FGF14: variants seen among roughly 807,000 people sequenced by gnomAD.
FGF14 encodes the protein fibroblast growth factor 14.
In FGF14, 5 loss-of-function variants were observed where a neutral mutation model predicts 25.5. That is an observed-to-expected ratio of 0.20 (90% CI 0.10 to 0.41). The LOEUF (loss-of-function observed/expected upper bound fraction) is 0.41. Among genes scored for constraint, FGF14 ranks in the 10% least tolerant of loss-of-function variants. FGF14 has a pLI of 1.00. For missense variants in FGF14, 222 were observed against 320.1 expected (o/e 0.69, Z 2.34); for synonymous variants, 138 against 118.3 (o/e 1.17, Z -1.08).
At chr13:102,000,354 C>T (rs1792969607) in intron 1 of FGF14, among the ~76,000 whole-genome samples, 1 of 152,126 alleles carries the variant, frequency 6.6e-6, no homozygotes, top group Non-Finnish European at 1.5e-5. Context: ...TGTTCTAGAA[C>T]ATTTCACAGC....
intron 1 of FGF14, among the ~76,000 whole-genome samples, chr13:102,287,183 A>C (rs2141244410): frequency 6.6e-6 from 1 of 152,336 alleles, no homozygotes; most frequent in Admixed American, 6.5e-5. Flanking sequence ...AAATAGTGAT[A>C]GCGATTAGGA....
intron 3 of FGF14, among the ~76,000 whole-genome samples, chr13:101,845,696 C>A (rs2043419402): frequency 6.6e-6 from 1 of 151,848 alleles, no homozygotes; most frequent in Non-Finnish European, 1.5e-5. Context: ...AAGAATGGCA[C>A]CAGAGGCGTA....
chr13:101,777,259 C>T (rs2039180577), intron 3 of FGF14, among the ~76,000 whole-genome samples: 1 of 152,064 alleles, frequency 6.6e-6, no homozygotes, highest in Non-Finnish European at 1.5e-5. Context: ...TTTTGTAGCC[C>T]CTATTCTACC....
intron 1 of FGF14, among the ~76,000 whole-genome samples, chr13:102,017,691 C>T (rs1384531608): frequency 6.6e-6 from 1 of 152,094 alleles, no homozygotes; most frequent in Non-Finnish European, 1.5e-5. Context: ...CAATTATTTC[C>T]TTAATTATGT....
chr13:101,911,616 T>C (rs1325982381), intron 1 of FGF14, among the ~76,000 whole-genome samples: 2 of 152,152 alleles, frequency 1.3e-5, no homozygotes, highest in Non-Finnish European at 2.9e-5. Context: ...TCTAACATTA[T>C]TTCATTGACC....
intron 1 of FGF14, among the ~76,000 whole-genome samples, chr13:101,897,416 C>G (rs767853625): frequency 1.3e-5 from 2 of 152,162 alleles, no homozygotes; most frequent in Non-Finnish European, 2.9e-5. Context: ...AGCAGCATCA[C>G]AATGAACCAC....
At chr13:102,282,863 A>G (rs1475256521) in intron 1 of FGF14, among the ~76,000 whole-genome samples, 1 of 152,188 alleles carries the variant, frequency 6.6e-6, no homozygotes, top group Non-Finnish European at 1.5e-5. Flanking sequence ...TTAAAAAAAA[A>G]AAAAAACCTC....
intron 1 of FGF14, among the ~76,000 whole-genome samples, chr13:102,392,506 C>T (rs554601800): frequency 8.5e-5 from 13 of 152,278 alleles, no homozygotes; most frequent in African/African-American, 3.1e-4. Flanking sequence ...TCTCCCAGAA[C>T]TGTCCATTTA....
intron 1 of FGF14, among the ~76,000 whole-genome samples, chr13:102,334,719 T>G (rs1292019333): frequency 2.0e-5 from 3 of 152,232 alleles, no homozygotes; most frequent in Non-Finnish European, 1.5e-5. Context: ...ATAGAAATAA[T>G]TTGGCTTTCT....
intron 3 of FGF14, among the ~76,000 whole-genome samples, chr13:101,802,728 A>G (rs1016247182): frequency 6.6e-6 from 1 of 152,230 alleles, no homozygotes; most frequent in Non-Finnish European, 1.5e-5. Flanking sequence ...CACACTGTGC[A>G]CTTTGCTGTT....
intron 1 of FGF14, among the ~76,000 whole-genome samples, chr13:101,903,908 T>C (rs1594668839): frequency 6.6e-6 from 1 of 152,194 alleles, no homozygotes; most frequent in African/African-American, 2.4e-5. Flanking sequence ...GTTACAGGCA[T>C]AGATTGCATA....
chr13:102,193,175 G>A, intron 1 of FGF14, among the ~76,000 whole-genome samples: 1 of 152,022 alleles, frequency 6.6e-6, no homozygotes, highest in South Asian at 2.1e-4. Context: ...AGTCCTGGAG[G>A]GCAGAATTAT....
chr13:101,995,230 T>C (rs1012683156), intron 1 of FGF14, among the ~76,000 whole-genome samples: 4 of 152,116 alleles, frequency 2.6e-5, no homozygotes, highest in Non-Finnish European at 4.4e-5. Flanking sequence ...TTTGAAAGAA[T>C]TGTATTTGCA....
Position 101,925,044 on chromosome 13 carries a change from G to A in FGF14, c.209-49748C>T, listed in dbSNP as rs892897756. On this transcript the variant is annotated intron_variant, in intron 1 of 4. Transcript: ENST00000376131. ...TTATTCAACTGTTAAAAAGCTCTGT[G>A]AGCAAAGCAAGAATAAGAACCGAAA... 2.0e-4 allele frequency among the ~76,000 whole-genome samples: 31 copies of A among 152,120 alleles called. 1 individual carries two copies. Among genetic ancestry groups the A allele is most frequent in the Admixed American group, 2.0e-3 (30 of 15,262 alleles).
At chr13:101,947,814 A>G (rs888317622) in intron 1 of FGF14, among the ~76,000 whole-genome samples, 2 of 152,192 alleles carry the variant, frequency 1.3e-5, no homozygotes, top group Non-Finnish European at 2.9e-5. Context: ...CTGTACATGT[A>G]CCCCTTATGT....
chr13:102,363,000 T>G (rs1594951040), intron 1 of FGF14, among the ~76,000 whole-genome samples: 1 of 152,088 alleles, frequency 6.6e-6, no homozygotes, highest in Non-Finnish European at 1.5e-5. Context: ...AAAAAACTCA[T>G]GAAAAATAGT....
At chr13:101,806,229 G>A (rs1164145350) in intron 3 of FGF14, among the ~76,000 whole-genome samples, 1 of 151,832 alleles carries the variant, frequency 6.6e-6, no homozygotes, top group African/African-American at 2.4e-5. Context: ...AGACCAGCCT[G>A]GCCAACGTGA....
At chr13:102,094,966 A>T (rs2044324369) in intron 1 of FGF14, among the ~76,000 whole-genome samples, 1 of 152,094 alleles carries the variant, frequency 6.6e-6, no homozygotes, top group South Asian at 2.1e-4. Flanking sequence ...CTCATTATGC[A>T]TGGTACTTTA....
At chr13:101,781,836 A>C (rs1192262915) in intron 3 of FGF14, among the ~76,000 whole-genome samples, 2 of 152,232 alleles carry the variant, frequency 1.3e-5, no homozygotes, top group Non-Finnish European at 2.9e-5. Context: ...TAATTGATTC[A>C]GCAGCTGGGA....
Sources: allele counts gnomAD v4.1 joint callset (sites outside exome capture counted in the v4.1 genomes callset), GRCh38; gene constraint gnomAD v4.1.1; transcripts MANE v1.5; gene names NCBI Gene and HGNC (gene_info 2026-07-23, HGNC 2026-07-21).